MYH9: variants seen among roughly 807,000 people sequenced by gnomAD.
MYH9 encodes the protein myosin-9.
A neutral mutation model predicts 241.9 loss-of-function variants in MYH9; 29 were observed. That is an observed-to-expected ratio of 0.12 (90% confidence interval 0.09 to 0.16). MYH9 has a LOEUF of 0.16. MYH9 is among the 10% of genes least tolerant of loss of function. MYH9 has a pLI of 1.00. For synonymous variants in MYH9, 1,047 were observed against 1,062.6 expected, an observed-to-expected ratio of 0.99 and a Z score of 0.29; for missense variants, 1,803 against 2,595.5, an observed-to-expected ratio of 0.69 and a Z score of 6.63.
intron 25 of MYH9, among the ~76,000 whole-genome samples, chr22:36,296,053 C>T (rs944669815): frequency 3.9e-5 from 6 of 152,126 alleles, no homozygotes; most frequent in Non-Finnish European, 5.9e-5. Context: ...AGTAAAAATA[C>T]GAATGTGCTA....
chr22:36,329,752 C>G lies in MYH9; in HGVS notation c.491-2264G>C, dbSNP rs1259481463. Among the ~76,000 whole-genome samples the G allele has an allele frequency of 6.6e-6, 1 of 152,196 alleles. No individual in the cohort carries two copies. Among genetic ancestry groups the G allele is most frequent in the Admixed American group, 6.5e-5 (1 of 15,286 alleles). On this transcript the variant is annotated intron_variant, in intron 3 of 40. Transcript: ENST00000216181. This position sits in a 1 kb window ranked among gnomAD's most constrained non-coding sequence, Gnocchi z 4.1. Reference sequence around the variant, plus strand: ...AGGAAGCAGAGCCCCCAAACACACTCGAGGGCATGCACACAGAGGCGCACG... The same window carrying G: ...AGGAAGCAGAGCCCCCAAACACACTGGAGGGCATGCACACAGAGGCGCACG...
At chr22:36,346,763 C>T (rs2017684298) in intron 2 of MYH9, among the ~76,000 whole-genome samples, 1 of 152,104 alleles carries the variant, frequency 6.6e-6, no homozygotes, top group Admixed American at 6.6e-5. Flanking sequence ...CCACACTATG[C>T]CCATCTAATT....
intron 1 of MYH9, among the ~76,000 whole-genome samples, chr22:36,359,165 A>G (rs756414478): frequency 4.6e-5 from 7 of 152,212 alleles, no homozygotes; most frequent in Non-Finnish European, 1.0e-4. Flanking sequence ...TACTTGTTCC[A>G]CTGTAACCAA....
intron 18 of MYH9, 96 bp downstream of exon 18, chr22:36,304,937 C>T: frequency 5.6e-6 from 7 of 1,255,448 alleles, no homozygotes; most frequent in African/African-American, 1.5e-5. Flanking sequence ...GGGCATCCAC[C>T]GACCACTGAT....
chr22:36,352,062 C>A (rs1036951364), intron 1 of MYH9, among the ~76,000 whole-genome samples: 3 of 152,234 alleles, frequency 2.0e-5, no homozygotes, highest in African/African-American at 7.2e-5. Flanking sequence ...CCAACCCAGG[C>A]ATGGAGTGGG....
intron 19 of MYH9, among the ~76,000 whole-genome samples, chr22:36,303,447 G>A (rs1329657963): frequency 6.6e-6 from 1 of 151,456 alleles, no homozygotes; most frequent in Non-Finnish European, 1.5e-5. Context: ...AATCCAAGCA[G>A]AGTCAGCCTC....
At chr22:36,348,837 A>AACCCCCCCCCCCCCCCCCCCCC in intron 2 of MYH9, 67 bp downstream of exon 2, 1 of 539,142 alleles carries the variant, frequency 1.9e-6, no homozygotes, top group Non-Finnish European at 2.9e-6. Context: ...TGATGGGAAG[A>AACCCCCCCCCCCCCCCCCCCCC]CCCGCCCCCC....
intron 5 of MYH9, among the ~76,000 whole-genome samples, chr22:36,323,522 G>A (rs988265901): frequency 1.3e-5 from 2 of 152,220 alleles, no homozygotes; most frequent in African/African-American, 4.8e-5. Context: ...GCAAGCCAGG[G>A]TTTTCCGGGA....
chr22:36,360,871 G>A (rs528837006), intron 1 of MYH9, among the ~76,000 whole-genome samples: 4 of 152,290 alleles, frequency 2.6e-5, no homozygotes, highest in East Asian at 3.9e-4. Context: ...TGAGTCCAGC[G>A]AGGTGCTGAC....
chr22:36,283,169 C>G (rs735853), intron 40 of MYH9, among the ~76,000 whole-genome samples: 51,662 of 152,072 alleles, frequency 0.34, 10,710 homozygotes, highest in Non-Finnish European at 0.47. Flanking sequence ...ACACAGAGTA[C>G]AAAGACAGGC....
chr22:36,297,202 G>T, intron 24 of MYH9, 188 bp from the exon 25 acceptor site: 1 of 646,898 alleles, frequency 1.5e-6, no homozygotes. Flanking sequence ...GCTAGCCCCT[G>T]GCATGTCTCT....
In MYH9 at chr22:36,282,198, G is replaced by A. The variant is rs1603482639; in HGVS notation, c.*470C>T. ...AGAGGTGTGTGAGGTCACCACGTGT[G>A]ATTGCAAACAGCAAAGAAAGGAGGA... On this transcript the variant is annotated 3_prime_UTR_variant, in exon 41 of 41. Coordinates refer to ENST00000216181, the MANE Select transcript of MYH9 (RefSeq NM_002473.6). 2.9e-6 allele frequency: 1 copy of A among 350,020 alleles called. No individual in the cohort carries two copies. The highest frequency in any genetic ancestry group is 2.0e-5 in the African/African-American group (1 of 48,942). The allele number at this position is 350,020 out of a possible 1,614,324, so 21.7% of individuals were successfully genotyped here. A position where few individuals can be genotyped will look rare whatever the true frequency, so the allele number is the denominator to read the frequency against.
At chr22:36,310,668 C>CAA (rs1309801808) in intron 14 of MYH9, among the ~76,000 whole-genome samples, 4 of 152,268 alleles carry the variant, frequency 2.6e-5, no homozygotes, top group Admixed American at 6.5e-5. Context: ...CAGACCCTCC[C>CAA]ACCCAGGCCA....
intron 14 of MYH9, among the ~76,000 whole-genome samples, chr22:36,309,722 G>C (rs962534619): frequency 3.3e-5 from 5 of 152,122 alleles, no homozygotes; most frequent in Non-Finnish European, 4.4e-5. Context: ...TATGAACAAA[G>C]AAAAACAATC....
At chr22:36,382,709 A>G (rs73167667) in intron 1 of MYH9, among the ~76,000 whole-genome samples, 11,008 of 151,736 alleles carry the variant, frequency 0.073, 457 homozygotes, top group East Asian at 0.1. Context: ...AGGCTGAGGT[A>G]GGAATATTGC....
intron 5 of MYH9, 65 bp from the exon 6 acceptor site, chr22:36,322,586 C>T: frequency 1.3e-6 from 2 of 1,502,344 alleles, no homozygotes; most frequent in Non-Finnish European, 1.9e-6. Flanking sequence ...CCTGCCCTGC[C>T]TGGAAGGGGG....
chr22:36,372,706 CACACAAGGGCAGCGGTGG>C (rs1010687407), intron 1 of MYH9, among the ~76,000 whole-genome samples: 3 of 152,062 alleles, frequency 2.0e-5, no homozygotes, highest in Admixed American at 6.6e-5. Context: ...AAATCTGCAA[CACACAAGGGCAGCGGTGG>C]CCACTGTGAC....
intron 34 of MYH9, 128 bp from the exon 35 acceptor site, chr22:36,286,974 C>G: frequency 1.4e-6 from 2 of 1,410,542 alleles, no homozygotes; most frequent in Non-Finnish European, 2.0e-6. Flanking sequence ...ACCAACTAAC[C>G]GTGGTGACAG....
chr22:36,337,931 G>C (rs1360964086), intron 3 of MYH9, among the ~76,000 whole-genome samples: 2 of 151,932 alleles, frequency 1.3e-5, no homozygotes, highest in Non-Finnish European at 2.9e-5. Context: ...CCTGCTCCAA[G>C]AGCAAGAAAC....
Sources: gnomAD v4.1 joint callset for allele counts (sites outside exome capture counted in the v4.1 genomes callset) on GRCh38, gnomAD v4.1.1 for gene constraint, Gnocchi (gnomAD v3.1) non-coding constraint, MANE v1.5 for transcripts, NCBI Gene and HGNC (gene_info 2026-07-23, HGNC 2026-07-21) for gene names.